HACE1: variants seen among roughly 807,000 people sequenced by gnomAD.
The protein encoded by HACE1 is HECT domain and ankyrin repeat containing E3 ubiquitin protein ligase 1.
HACE1 carries 73 observed loss-of-function variants against 118.4 expected under a neutral mutation model. The ratio of observed to expected loss-of-function variants is 0.62; its 90% CI spans 0.51 to 0.75. The LOEUF is 0.75. Among genes scored for constraint, HACE1 ranks in the 30% least tolerant of loss-of-function variants. HACE1 has a pLI of 0.00. For synonymous variants in HACE1, 368 were observed against 374.8 expected, an observed-to-expected ratio of 0.98 and a Z score of 0.21; for missense variants, 749 against 1,102.2, an observed-to-expected ratio of 0.68 and a Z score of 4.54.
At chr6:104,828,954 A>C (rs1165445829) in intron 6 of HACE1, among the ~76,000 whole-genome samples, 1 of 152,108 alleles carries the variant, frequency 6.6e-6, no homozygotes, top group Non-Finnish European at 1.5e-5. Context: ...ATTTACTCTA[A>C]AATGAGATTA....
chr6:104,748,841 C>T (rs910440103), intron 20 of HACE1, among the ~76,000 whole-genome samples: 2 of 152,118 alleles, frequency 1.3e-5, no homozygotes, highest in Admixed American at 6.6e-5. Context: ...AGGCGAATCT[C>T]GTCTATGATT....
intron 19 of HACE1, among the ~76,000 whole-genome samples, chr6:104,753,839 T>C (rs1249992794): frequency 6.6e-6 from 1 of 151,766 alleles, no homozygotes; most frequent in Non-Finnish European, 1.5e-5. Flanking sequence ...AAAGCCAGAG[T>C]GCCTCTTCTC....
At chr6:104,775,409 T>C (rs1017733686) in intron 17 of HACE1, among the ~76,000 whole-genome samples, 4 of 151,904 alleles carry the variant, frequency 2.6e-5, no homozygotes, top group African/African-American at 7.3e-5. Flanking sequence ...CAAAAAACTT[T>C]ATGGGTCTAT....
rs750430110 is a variant in HACE1 at position 104,859,471 on chromosome 6, A to G, written c.76+96T>C. 3.3e-6 allele frequency: 3 copies of G among 915,836 alleles called. No homozygotes were observed. The South Asian group carries it at 5.2e-5, about 16-fold the overall frequency. The allele number at this position is 915,836 out of a possible 1,614,324, so 56.7% of individuals were successfully genotyped here. A position where few individuals can be genotyped will look rare whatever the true frequency, so the allele number is the denominator to read the frequency against. On this transcript the variant is annotated intron_variant, in intron 1 of 23. Transcript: ENST00000262903. Reference sequence around the variant, plus strand: ...AAAAGTGGGCGTTTTCTCAGCTTTCAGTTAGTTTTTCCACCCGACCTTGAC... The same window carrying G: ...AAAAGTGGGCGTTTTCTCAGCTTTCGGTTAGTTTTTCCACCCGACCTTGAC...
At chr6:104,769,685 T>C (rs1426995735) in intron 19 of HACE1, among the ~76,000 whole-genome samples, 1 of 152,226 alleles carries the variant, frequency 6.6e-6, no homozygotes, top group Non-Finnish European at 1.5e-5. Flanking sequence ...TGAAGAACAT[T>C]AGACTTGAAA....
chr6:104,838,784 A>T (rs1465093711), intron 5 of HACE1, among the ~76,000 whole-genome samples: 1 of 151,758 alleles, frequency 6.6e-6, no homozygotes, highest in Non-Finnish European at 1.5e-5. Flanking sequence ...GAAAAAATCA[A>T]CAAAGTAAAG....
intron 5 of HACE1, among the ~76,000 whole-genome samples, chr6:104,839,059 C>T (rs1774835650): frequency 6.6e-6 from 1 of 152,074 alleles, no homozygotes; most frequent in Non-Finnish European, 1.5e-5. Flanking sequence ...GGTATCATCT[C>T]ACCCCTATTA....
At chr6:104,764,084 AT>A (rs1001158863) in intron 19 of HACE1, among the ~76,000 whole-genome samples, 17 of 151,884 alleles carry the variant, frequency 1.1e-4, no homozygotes, top group Middle Eastern at 3.2e-3. Flanking sequence ...CACACTTTTT[AT>A]TTTTTGTGAG....
rs115843056 is a variant in HACE1, at chr6:104,838,352, A to G, written c.402+4871T>C. ...CCAAAACAGCATGTTACTGGTATAAAAACAGACACACAGACCAATGGGACA... is the reference window on the plus strand; with the variant it reads ...CCAAAACAGCATGTTACTGGTATAAGAACAGACACACAGACCAATGGGACA... On this transcript the variant is annotated intron_variant, in intron 5 of 23. Transcript: ENST00000262903. Among the ~76,000 whole-genome samples, 617 of 152,300 alleles carry G rather than the reference A, an allele frequency of 4.1e-3. 5 individuals are homozygous for G. Among genetic ancestry groups the G allele is most frequent in the African/African-American group, 0.014 (598 of 41,578 alleles).
At position 104,768,743 on chromosome 6, in the gene HACE1, C is replaced by A. The variant is rs1350354795; in HGVS notation, c.2211+2450G>T. Among the ~76,000 whole-genome samples, 5 of 152,062 alleles carry A rather than the reference C, an allele frequency of 3.3e-5. No homozygotes were observed. In the East Asian group the frequency reaches 9.7e-4, roughly 29 times the overall value. ...GCCTCTAATCAACCAAGCAATTAAA[C>A]AAAATGTAAATATATATAGTATTAA... On this transcript the variant is annotated intron_variant, in intron 19 of 23. Coordinates refer to ENST00000262903, the MANE Select transcript of HACE1 (RefSeq NM_020771.4).
intron 7 of HACE1, among the ~76,000 whole-genome samples, chr6:104,800,661 T>C (rs1246012103): frequency 6.6e-6 from 1 of 151,776 alleles, no homozygotes; most frequent in African/African-American, 2.4e-5. Context: ...AAGAAAGGAG[T>C]AGCATCAACA....
rs139666282 is a variant in HACE1 at position 104,747,230 on chromosome 6, T to C, written c.2344-2620A>G. Among the ~76,000 whole-genome samples the C allele has an allele frequency of 6.6e-5, 10 of 152,292 alleles. No homozygotes were observed. In the East Asian group the frequency reaches 1.7e-3, roughly 27 times the overall value. On this transcript the variant is annotated intron_variant, in intron 20 of 23. Transcript: ENST00000262903. The stretch of plus-strand genomic sequence containing the variant: ...AGAAACTGAATCATGAAAGTATTCA[T>C]AGGCATCAGCTTACCTAGCATCACA...
chr6:104,763,706 C>G (rs6912911), intron 19 of HACE1, among the ~76,000 whole-genome samples: 3,542 of 152,190 alleles, frequency 0.023, 155 homozygotes, highest in African/African-American at 0.081. Context: ...TAAACAGAAG[C>G]AACAAACAGC....
intron 19 of HACE1, among the ~76,000 whole-genome samples, chr6:104,763,788 G>A (rs1413016052): frequency 3.9e-5 from 6 of 152,076 alleles, no homozygotes; most frequent in African/African-American, 1.4e-4. Flanking sequence ...AGTGGCTCAC[G>A]CCTATAATCC....
chr6:104,747,093 T>C (rs953628414), intron 20 of HACE1, among the ~76,000 whole-genome samples: 6 of 152,170 alleles, frequency 3.9e-5, no homozygotes, highest in Non-Finnish European at 8.8e-5. Context: ...CAGAATAAAA[T>C]GTACATATTA....
intron 22 of HACE1, among the ~76,000 whole-genome samples, chr6:104,738,179 A>C (rs914271037): frequency 6.6e-6 from 1 of 152,282 alleles, no homozygotes; most frequent in East Asian, 1.9e-4. Context: ...CATCACCATC[A>C]TCAAAGACCA....
At position 104,733,506 on chromosome 6, in the gene HACE1, G is replaced by C. The variant is rs148253911; in HGVS notation, c.2514-3090C>G. Among the ~76,000 whole-genome samples, 149 of 152,224 alleles carry C rather than the reference G, an allele frequency of 9.8e-4. 1 individual carries two copies. The highest frequency in any genetic ancestry group is 3.4e-3 in the African/African-American group (142 of 41,538). On this transcript the variant is annotated intron_variant, in intron 22 of 23. Transcript: ENST00000262903. Reference sequence around the variant, plus strand: ...CTTTGGTTGAATATTATGACACTTAGATTATACAGTATAAAATTACAGTAA... The same window carrying C: ...CTTTGGTTGAATATTATGACACTTACATTATACAGTATAAAATTACAGTAA...
chr6:104,851,042 A>T, intron 2 of HACE1, 46 bp from the exon 3 acceptor site: 1 of 1,081,926 alleles, frequency 9.2e-7, no homozygotes, highest in Non-Finnish European at 1.4e-6. Flanking sequence ...AAAAGTTTTT[A>T]AAAACATAAT....
At chr6:104,734,338 ATTATACTACAGACCT>A (rs974874288) in intron 22 of HACE1, among the ~76,000 whole-genome samples, 18 of 152,246 alleles carry the variant, frequency 1.2e-4, no homozygotes, top group African/African-American at 3.9e-4. Flanking sequence ...GTTGCGCTAA[ATTATACTACAGACCT>A]GTAGAAAGAT....
Sources: allele counts gnomAD v4.1 joint callset (sites outside exome capture counted in the v4.1 genomes callset), GRCh38; gene constraint gnomAD v4.1.1; transcripts MANE v1.5; gene names NCBI Gene and HGNC (gene_info 2026-07-23, HGNC 2026-07-21).